The following DNAH17 variants were observed in gnomAD, a reference collection of about 807,000 sequenced individuals.
The protein encoded by DNAH17 is axonemal beta dynein heavy chain 17.
Under a neutral mutation model 485.6 loss-of-function variants are expected in DNAH17, and 376 were observed. That is an observed-to-expected ratio of 0.77 (90% CI 0.71 to 0.84). DNAH17 has a LOEUF of 0.84. DNAH17 is among the 40% of genes least tolerant of loss of function. The pLI, the probability that DNAH17 is intolerant of heterozygous loss-of-function variation, is 0.00. For missense variants in DNAH17, 6,370 were observed against 5,839.3 expected (o/e 1.09, Z -2.96); for synonymous variants, 3,031 against 2,405.9 (o/e 1.26, Z -7.60).
At position 78,486,306 on chromosome 17, in the gene DNAH17, G is replaced by T; in HGVS notation, c.7019C>A (p.Pro2340His). 1 of 1,613,282 alleles carries T rather than the reference G, an allele frequency of 6.2e-7. No individual in the cohort carries two copies. Among genetic ancestry groups the T allele is most frequent in the Non-Finnish European group, 8.5e-7 (1 of 1,179,348 alleles). The change falls in exon 45 of 81, where the codon CCC (proline) becomes CAC (histidine). Residue 2340 changes from proline (P) to histidine (H), a missense_variant. Physicochemically the swap from Pro to His is moderately conservative, Grantham distance 77. Coordinates refer to ENST00000389840, the MANE Select transcript of DNAH17 (RefSeq NM_173628.4). ...CTCGTACAGCTCCCTGGGGGAGTCG[G>T]GGGGCACGGTCTTCTCCGTGAGCAG... ...ECLLTEKTVPPDSPRELYELY... is the reference protein window; with the variant it reads ...ECLLTEKTVPHDSPRELYELY...
At chr17:78,560,409 A>G (rs2143642797) in intron 13 of DNAH17, among the ~76,000 whole-genome samples, 1 of 152,266 alleles carries the variant, frequency 6.6e-6, no homozygotes, top group African/African-American at 2.4e-5. Context: ...AGAGCCCACA[A>G]GTGTGAATTC....
intron 60 of DNAH17, among the ~76,000 whole-genome samples, chr17:78,459,558 T>A (rs946683577): frequency 1.5e-4 from 23 of 152,250 alleles, no homozygotes; most frequent in African/African-American, 5.5e-4. Flanking sequence ...CAGGTGCTGC[T>A]GACCTCTGTG....
At chr17:78,472,632 G>C (rs1004739183) in intron 54 of DNAH17, 3 of 429,698 alleles carry the variant, frequency 7.0e-6, no homozygotes, top group Non-Finnish European at 1.4e-5. Context: ...GGCTGTGTGT[G>C]GGGTGTGGGG....
Position 78,459,901 on chromosome 17 carries a change from G to C in DNAH17, c.9536C>G (p.Pro3179Arg). ...GGCCGCCTTCCAGCTCTTGTCCTTG[G>C]GGATCTTGCCCCCAGGTGCGGTCAG... ...MILTAPGGKI[P>R]KDKSWKAAKI... The change falls in exon 60 of 81, where the codon CCC becomes CGC. Residue 3179 changes from proline (P) to arginine (R), a missense_variant. Transcript: ENST00000389840. 6.2e-7 allele frequency: 1 copy of C among 1,613,984 alleles called. No homozygotes were observed. Among genetic ancestry groups the C allele is most frequent in the Non-Finnish European group, 8.5e-7 (1 of 1,179,884 alleles).
chr17:78,557,134 T>G (rs1300227503), intron 14 of DNAH17, among the ~76,000 whole-genome samples: 1 of 152,180 alleles, frequency 6.6e-6, no homozygotes, highest in Non-Finnish European at 1.5e-5. Context: ...AAGGAGTTCT[T>G]GAACCAAAGA....
chr17:78,525,142 G>A lies in DNAH17; in HGVS notation c.3731C>T (p.Ala1244Val), dbSNP rs765622368. Residue 1244 changes from alanine to valine, a missense_variant, in exon 25 of 81, where the codon GCC (alanine) becomes GTC (valine). Ala to Val is a moderately conservative substitution (Grantham distance 64). Transcript: ENST00000389840. ...CAGCGCCTCCATGATGCCTTCCATGGCGGAGATGCTCTTTTGTTGCTAGGG... is the reference window on the plus strand; with the variant it reads ...CAGCGCCTCCATGATGCCTTCCATGACGGAGATGCTCTTTTGTTGCTAGGG... ...SLNKQQKSIS[A>V]MEGIMEALSK... is the part of the protein sequence containing the mutation. The A allele has an allele frequency of 6.2e-7, 1 of 1,613,394 alleles. No individual in the cohort carries two copies. The highest frequency in any genetic ancestry group is 1.1e-5 in the South Asian group (1 of 91,084).
chr17:78,560,990 T>TA, intron 12 of DNAH17, 55 bp from the exon 13 acceptor site: 1 of 1,492,370 alleles, frequency 6.7e-7, no homozygotes, highest in Non-Finnish European at 9.0e-7. Context: ...TGGGGTGTCT[T>TA]CGGCACGTCC....
In DNAH17 at chr17:78,561,750, C is replaced by T; in HGVS notation, c.1800G>A (p.Glu600=). 6.2e-7 allele frequency: 1 copy of T among 1,612,168 alleles called. No homozygotes were observed. The highest frequency in any genetic ancestry group is 8.5e-7 in the Non-Finnish European group (1 of 1,179,202). Residue 600 remains glutamate, a synonymous_variant, in exon 12 of 81, where the codon GAG becomes GAA. Transcript: ENST00000389840. ...CGTGCTTCAGGTGTTTCATGGACAC[C>T]TCTAGCCTCTCCTGCAGCTCCAGGC... ...KWSLELQERL[E]VSMKHLKHVE...
chr17:78,442,404 C>CA (rs1479431806), intron 71 of DNAH17, among the ~76,000 whole-genome samples: 5 of 152,322 alleles, frequency 3.3e-5, no homozygotes, highest in African/African-American at 1.2e-4. Context: ...GGGCCAGCCT[C>CA]AGGCAAGGGT....
chr17:78,508,414 C>G (rs989154873), intron 27 of DNAH17, among the ~76,000 whole-genome samples: 1 of 152,206 alleles, frequency 6.6e-6, no homozygotes, highest in African/African-American at 2.4e-5. Flanking sequence ...CTACAACTTA[C>G]GCTTTCTGCA....
At chr17:78,527,059 G>T in intron 22 of DNAH17, 63 bp from the exon 23 acceptor site, 1 of 1,358,110 alleles carries the variant, frequency 7.4e-7, no homozygotes, top group Non-Finnish European at 1.0e-6. Context: ...CTTCTATTGT[G>T]AAATAATTAG....
intron 48 of DNAH17, among the ~76,000 whole-genome samples, chr17:78,481,712 T>C (rs964711418): frequency 8.5e-5 from 13 of 152,194 alleles, no homozygotes; most frequent in Non-Finnish European, 1.8e-4. Flanking sequence ...TAATGGCTGC[T>C]ATTATTAAAT....
rs184910230 is a variant in DNAH17, at chr17:78,467,549, G to A, written c.8779-733C>T. ...ATTCACTAATTGGGCTATGCAGCCCGCAGAGGGGAGGGAGGACCCTGCTCT... is the reference window on the plus strand; with the variant it reads ...ATTCACTAATTGGGCTATGCAGCCCACAGAGGGGAGGGAGGACCCTGCTCT... On this transcript the variant is annotated intron_variant, in intron 55 of 80. Coordinates refer to ENST00000389840, the MANE Select transcript of DNAH17 (RefSeq NM_173628.4). Among the ~76,000 whole-genome samples, 14 of 152,302 alleles carry A rather than the reference G, an allele frequency of 9.2e-5. No homozygotes were observed. The South Asian group carries it at 1.2e-3, about 14-fold the overall frequency.
chr17:78,431,457 C>CCCCCCCCCG (rs1003682284), intron 75 of DNAH17, among the ~76,000 whole-genome samples: 24 of 148,106 alleles, frequency 1.6e-4, no homozygotes, highest in African/African-American at 6.0e-4. Context: ...AACCCCCCAC[C>CCCCCCCCCG]CCGAGACTCC....
rs773220705 is a variant in DNAH17 at position 78,453,435 on chromosome 17, C to G, written c.10437G>C (p.Ser3479=). The change falls in exon 65 of 81, where the codon TCG becomes TCC. Residue 3479 remains serine (S), a synonymous_variant. Transcript: ENST00000389840. The part of the protein sequence containing the change: ...SYLDVIEQAI[S]EGDTLLIENI... Reference sequence around the variant, plus strand: ...TCTCAATGAGCAAGGTGTCCCCTTCCGAGATGGCCTGCTCGATGACATCCA... The same window carrying G: ...TCTCAATGAGCAAGGTGTCCCCTTCGGAGATGGCCTGCTCGATGACATCCA... 5.5e-5 allele frequency: 88 copies of G among 1,613,956 alleles called. No homozygotes were observed. The East Asian group carries it at 1.8e-3, about 34-fold the overall frequency.
Position 78,527,034 on chromosome 17 carries a change from TTTC to T in DNAH17, c.3508-41_3508-39del, listed in dbSNP as rs1482433766. 4 of 1,480,752 alleles carry T rather than the reference TTTC, an allele frequency of 2.7e-6. No individual in the cohort carries two copies. In the African/African-American group the frequency reaches 5.6e-5, roughly 21 times the overall value. 91.7% of individuals were successfully genotyped at this position (1,480,752 alleles called of 1,614,324 possible). ...AAGGCAGAGGAGGGCTCCTTTCTCATTTCTTTTCTTAAACCTTCTATTGTGAAA... is the reference window on the plus strand; with the variant it reads ...AAGGCAGAGGAGGGCTCCTTTCTCATTTTTCTTAAACCTTCTATTGTGAAA... On this transcript the variant is annotated intron_variant, in intron 22 of 80. Transcript: ENST00000389840.
chr17:78,550,545 G>T (rs951198701), intron 16 of DNAH17, among the ~76,000 whole-genome samples: 1 of 152,186 alleles, frequency 6.6e-6, no homozygotes, highest in Non-Finnish European at 1.5e-5. Flanking sequence ...AAGGAGATGA[G>T]GACACAGACA....
At chr17:78,471,427 C>T (rs770088592) in intron 54 of DNAH17, among the ~76,000 whole-genome samples, 1 of 152,226 alleles carries the variant, frequency 6.6e-6, no homozygotes, top group Non-Finnish European at 1.5e-5. Context: ...CCAGCAATGA[C>T]CTTGAGTCAA....
intron 54 of DNAH17, chr17:78,472,633 G>GGGT: frequency 2.3e-6 from 1 of 431,610 alleles, no homozygotes; most frequent in South Asian, 1.6e-5. Flanking sequence ...GCTGTGTGTG[G>GGGT]GGTGTGGGGA....
Sources: allele counts gnomAD v4.1 joint callset (sites outside exome capture counted in the v4.1 genomes callset), GRCh38; gene constraint gnomAD v4.1.1; transcripts MANE v1.5; gene names NCBI Gene and HGNC (gene_info 2026-07-23, HGNC 2026-07-21).